Variants in RAB6A observed in about 807,000 individuals in gnomAD.
The protein encoded by RAB6A is RAB6A, member RAS oncogene family.
Under a neutral mutation model 32.3 loss-of-function variants are expected in RAB6A, and 8 were observed. The observed-to-expected ratio is 0.25, with a 90% CI of 0.15 to 0.45. The LOEUF is 0.45. Among genes scored for constraint, RAB6A ranks in the 20% least tolerant of loss-of-function variants. The probability of loss-of-function intolerance (pLI) is 1.00; values close to 1 mark genes in which losing one functional copy is unlikely to be tolerated. For missense variants in RAB6A, 104 were observed against 249.4 expected, an observed-to-expected ratio of 0.42 and a Z score of 3.93; for synonymous variants, 73 against 82.1, an observed-to-expected ratio of 0.89 and a Z score of 0.60.
intron 1 of RAB6A, among the ~76,000 whole-genome samples, chr11:73,760,256 G>A (rs1336450162): frequency 6.6e-6 from 1 of 152,180 alleles, no homozygotes; most frequent in Non-Finnish European, 1.5e-5. Flanking sequence ...GACCGAGACC[G>A]GAGGAAGAAA....
intron 1 of RAB6A, among the ~76,000 whole-genome samples, chr11:73,744,509 T>A (rs1946551426): frequency 7.6e-5 from 3 of 39,520 alleles, no homozygotes; most frequent in South Asian, 1.2e-3. Context: ...AGACCCTGTC[T>A]CCAAAAAAAA....
At chr11:73,711,116 T>C (rs1945951734) in intron 5 of RAB6A, among the ~76,000 whole-genome samples, 1 of 152,100 alleles carries the variant, frequency 6.6e-6, no homozygotes, top group Admixed American at 6.5e-5. Context: ...TGGCTTCCCT[T>C]CAAACTCTGC....
chr11:73,709,111 T>A (rs1945898418), intron 5 of RAB6A, among the ~76,000 whole-genome samples: 1 of 152,076 alleles, frequency 6.6e-6, no homozygotes, highest in South Asian at 2.1e-4. Flanking sequence ...CAGTGTGAAT[T>A]TCCTAAAAAC....
intron 1 of RAB6A, 121 bp downstream of exon 1, chr11:73,760,445 G>T: frequency 7.6e-7 from 1 of 1,316,336 alleles, no homozygotes; most frequent in Non-Finnish European, 1.0e-6. Flanking sequence ...GGGAAGGGCT[G>T]CGGTGGCAAC....
chr11:73,681,721 A>G (rs1945361307), intron 6 of RAB6A, among the ~76,000 whole-genome samples: 1 of 152,192 alleles, frequency 6.6e-6, no homozygotes. Context: ...AGGCAGAAGA[A>G]TCGCTTGAAC....
At chr11:73,751,585 C>A (rs905641232) in intron 1 of RAB6A, among the ~76,000 whole-genome samples, 3 of 152,176 alleles carry the variant, frequency 2.0e-5, no homozygotes, top group Non-Finnish European at 4.4e-5. Flanking sequence ...TTAACACTCT[C>A]TTCTATTCCC....
intron 6 of RAB6A, among the ~76,000 whole-genome samples, chr11:73,688,008 G>A (rs917044322): frequency 2.6e-5 from 4 of 152,286 alleles, no homozygotes; most frequent in African/African-American, 9.6e-5. Flanking sequence ...ATCATATCAG[G>A]AGGCACCTTA....
chr11:73,730,907 A>G lies in RAB6A; in HGVS notation c.71-84T>C, dbSNP rs1012368255. 4 of 930,872 alleles carry G rather than the reference A, an allele frequency of 4.3e-6. No homozygotes were observed. The African/African-American group carries it at 6.8e-5, about 16-fold the overall frequency. 57.7% of individuals were successfully genotyped at this position (930,872 alleles called of 1,614,324 possible). On this transcript the variant is annotated intron_variant, in intron 1 of 7. Transcript: ENST00000336083. ...AATTTTTCTACAGAGAACTGCAATT[A>G]AAGTCAATGGGAAATACCTGCAATG...
At chr11:73,736,941 G>A (rs1946406835) in intron 1 of RAB6A, among the ~76,000 whole-genome samples, 1 of 141,248 alleles carries the variant, frequency 7.1e-6, no homozygotes, top group Non-Finnish European at 1.5e-5. Context: ...TCATGCCACT[G>A]CAGTCCAGCC....
At chr11:73,708,994 T>C (rs1945894998) in intron 5 of RAB6A, among the ~76,000 whole-genome samples, 1 of 152,238 alleles carries the variant, frequency 6.6e-6, no homozygotes, top group African/African-American at 2.4e-5. Flanking sequence ...CATTTGCTTG[T>C]GTTATCTTCT....
intron 2 of RAB6A, among the ~76,000 whole-genome samples, chr11:73,726,636 C>A (rs1437512918): frequency 8.3e-6 from 1 of 120,608 alleles, no homozygotes; most frequent in Non-Finnish European, 1.6e-5. Context: ...GTAGTTCCAG[C>A]TACTCAGGAG....
At chr11:73,738,689 A>T (rs1206921338) in intron 1 of RAB6A, among the ~76,000 whole-genome samples, 1 of 151,898 alleles carries the variant, frequency 6.6e-6, no homozygotes, top group Admixed American at 6.6e-5. Flanking sequence ...TGAGGCCAGG[A>T]GCGGTCGCAC....
chr11:73,757,094 CATACATATATATATATAT>C (rs1486291504), intron 1 of RAB6A, among the ~76,000 whole-genome samples: 3 of 70,044 alleles, frequency 4.3e-5, no homozygotes, highest in African/African-American at 1.7e-4. Context: ...CTTAAATATA[CATACATATATATATATAT>C]ATATATATAT....
intron 6 of RAB6A, among the ~76,000 whole-genome samples, chr11:73,694,147 A>T (rs756319614): frequency 2.0e-5 from 3 of 152,180 alleles, no homozygotes; most frequent in Non-Finnish European, 4.4e-5. Context: ...GTTTTATTCA[A>T]ATATCTCTGG....
chr11:73,698,916 A>G lies in RAB6A; in HGVS notation c.495+8504T>C, dbSNP rs565518873. ...GCCCAGGCTGTAATGCAATGGCACAATCTCAGGTCACTCCAACCTCCGCCT... is the reference window on the plus strand; with the variant it reads ...GCCCAGGCTGTAATGCAATGGCACAGTCTCAGGTCACTCCAACCTCCGCCT... On this transcript the variant is annotated intron_variant, in intron 6 of 7. Transcript: ENST00000336083. Among the ~76,000 whole-genome samples the G allele has an allele frequency of 4.1e-4, 61 of 149,002 alleles. No individual in the cohort carries two copies. In the South Asian group the frequency reaches 7.5e-3, roughly 18 times the overall value.
At chr11:73,731,314 G>A (rs1339430511) in intron 1 of RAB6A, among the ~76,000 whole-genome samples, 4 of 152,064 alleles carry the variant, frequency 2.6e-5, no homozygotes, top group African/African-American at 4.8e-5. Flanking sequence ...GGAGGCCAAC[G>A]TGGGTGGATC....
intron 1 of RAB6A, among the ~76,000 whole-genome samples, chr11:73,744,337 C>CAAA (rs35787214): frequency 2.8e-5 from 3 of 108,126 alleles, no homozygotes; most frequent in East Asian, 2.6e-4. Flanking sequence ...GACTCCATCT[C>CAAA]AAAAAAAAAA....
In RAB6A at chr11:73,714,192, CAAAAAA is replaced by C. The variant is rs71272251; in HGVS notation, c.401+2053_401+2058del. ...AAGCAACAAGAGCAGAACTCCATCT[CAAAAAA>C]AAAAAAAAAAAATATATATATATAT... On this transcript the variant is annotated intron_variant, in intron 5 of 7. Coordinates refer to ENST00000336083, the MANE Select transcript of RAB6A (RefSeq NM_198896.2). 7.6e-5 allele frequency among the ~76,000 whole-genome samples: 5 copies of C among 66,182 alleles called. No homozygotes were observed. In the Admixed American group the frequency reaches 1.1e-3, roughly 15 times the overall value. The allele number at this position is 66,182 out of a possible 152,430, so 43.4% of individuals were successfully genotyped here.
chr11:73,753,687 G>A lies in RAB6A; in HGVS notation c.70+6879C>T, dbSNP rs149314317. On this transcript the variant is annotated intron_variant, in intron 1 of 7. Transcript: ENST00000336083. ...GATTGCGCCACTGCACTCCAGCCTC[G>A]GTGACTGAGCGAGATTCCGTCTGAA... Among the ~76,000 whole-genome samples, 998 of 151,770 alleles carry A rather than the reference G, an allele frequency of 6.6e-3. 13 individuals are homozygous for A. Among genetic ancestry groups the A allele is most frequent in the African/African-American group, 0.023 (949 of 41,388 alleles).
Sources: allele counts gnomAD v4.1 joint callset (sites outside exome capture counted in the v4.1 genomes callset), GRCh38; gene constraint gnomAD v4.1.1; transcripts MANE v1.5; gene names NCBI Gene and HGNC (gene_info 2026-07-23, HGNC 2026-07-21).